The following ITGB5 variants were observed in gnomAD, a reference collection of about 807,000 sequenced individuals.
The protein encoded by ITGB5 is integrin subunit beta 5.
ITGB5 carries 38 observed loss-of-function variants against 84.8 expected under a neutral mutation model. The ratio of observed to expected loss-of-function variants is 0.45; its 90% confidence interval spans 0.35 to 0.59. The LOEUF is 0.59. Ranked by LOEUF, ITGB5 falls within the 20% of genes least tolerant of loss-of-function variation. The pLI, the probability that ITGB5 is intolerant of heterozygous loss-of-function variation, is 0.01. For missense variants in ITGB5, 905 were observed against 1,034.5 expected, an observed-to-expected ratio of 0.87 and a Z score of 1.72; for synonymous variants, 393 against 414.4, an observed-to-expected ratio of 0.95 and a Z score of 0.63.
In ITGB5 at chr3:124,796,789, C is replaced by T. The variant is rs2291089; in HGVS notation, c.1292G>A (p.Arg431Gln). The change falls in exon 10 of 15, where the codon CGA becomes CAA. Residue 431 changes from arginine (R) to glutamine (Q), a missense_variant. Around this residue, in one of 3 missense-constraint regions of ITGB5, gnomAD observed 656 missense variants for 734.7 expected, o/e 0.89. Coordinates refer to ENST00000296181, the MANE Select transcript of ITGB5 (RefSeq NM_002213.5). Reference protein sequence around the residue: ...TASFEVSLEARSCPSRHTEHV... With the variant: ...TASFEVSLEAQSCPSRHTEHV... ...CTCCGTGTGTCTGCTGGGACAGCTT[C>T]GGGCCTCCAATGATACTTCAAAAGA... 7.9e-3 allele frequency: 12,757 copies of T among 1,610,032 alleles called. 552 individuals are homozygous for T. In the East Asian group the frequency reaches 0.13, roughly 16 times the overall value.
At chr3:124,825,214 A>T (rs192763037) in intron 5 of ITGB5, among the ~76,000 whole-genome samples, 78 of 151,446 alleles carry the variant, frequency 5.2e-4, no homozygotes, top group African/African-American at 1.8e-3. Flanking sequence ...AAAAAAAAAA[A>T]AGTGGAAAGA....
intron 5 of ITGB5, among the ~76,000 whole-genome samples, chr3:124,827,650 T>C (rs892247437): frequency 6.6e-6 from 1 of 152,192 alleles, no homozygotes; most frequent in Non-Finnish European, 1.5e-5. Context: ...ATAAATGTTC[T>C]TTGTGTCAGG....
chr3:124,847,015 A>G (rs1468253269), intron 4 of ITGB5, among the ~76,000 whole-genome samples: 1 of 152,208 alleles, frequency 6.6e-6, no homozygotes, highest in African/African-American at 2.4e-5. Flanking sequence ...TTTGTATAAT[A>G]TTGGGTAAGT....
chr3:124,871,080 G>A (rs768674039), intron 2 of ITGB5, among the ~76,000 whole-genome samples: 2 of 151,984 alleles, frequency 1.3e-5, no homozygotes, highest in Non-Finnish European at 2.9e-5. Flanking sequence ...TTGTAGAGAC[G>A]GGGTTTCGTC....
intron 2 of ITGB5, among the ~76,000 whole-genome samples, chr3:124,864,737 A>G (rs2065360969): frequency 1.3e-5 from 2 of 152,086 alleles, no homozygotes; most frequent in South Asian, 2.1e-4. Context: ...TGTATCTAAC[A>G]TGAAAGTTGA....
At chr3:124,851,190 C>G (rs2065147927) in intron 3 of ITGB5, among the ~76,000 whole-genome samples, 1 of 152,166 alleles carries the variant, frequency 6.6e-6, no homozygotes, top group South Asian at 2.1e-4. Context: ...AGCAGGAAAG[C>G]TGGGTTTGAA....
chr3:124,810,089 T>G (rs1329708765), intron 8 of ITGB5, among the ~76,000 whole-genome samples: 1 of 152,214 alleles, frequency 6.6e-6, no homozygotes, highest in Non-Finnish European at 1.5e-5. Context: ...AACTGGAAAT[T>G]CCTCAGGTGC....
chr3:124,884,299 C>T (rs1018658857), intron 1 of ITGB5, among the ~76,000 whole-genome samples: 4 of 152,106 alleles, frequency 2.6e-5, no homozygotes, highest in Non-Finnish European at 5.9e-5. Context: ...GTGAGTCAAC[C>T]TCTGCTAATC....
intron 1 of ITGB5, among the ~76,000 whole-genome samples, chr3:124,881,196 G>A (rs1278743947): frequency 6.6e-6 from 1 of 151,878 alleles, no homozygotes. Flanking sequence ...GTTGGCCAGG[G>A]TGGTCTCGAA....
chr3:124,859,373 C>T lies in ITGB5; in HGVS notation c.230G>A (p.Gly77Asp), dbSNP rs759621888. The change falls in exon 3 of 15, where the codon GGT (glycine) becomes GAT (aspartate). Residue 77 changes from glycine to aspartate, a missense_variant. Physicochemically the swap from Gly to Asp is moderately conservative, Grantham distance 94 (BLOSUM62 -1). This residue lies in a region of ITGB5 where 656 missense variants were observed against 734.7 expected (regional missense o/e 0.89). Coordinates refer to ENST00000296181, the MANE Select transcript of ITGB5 (RefSeq NM_002213.5). The stretch of plus-strand genomic sequence containing the variant: ...GCTGCTGGCTGGGCTCTCTATCTCA[C>T]CTCCACAGCCATTTTTGACAAGGTT... The part of the protein sequence containing the change: ...RANLVKNGCG[G>D]EIESPASSFH... 1 of 1,614,166 alleles carries T rather than the reference C, an allele frequency of 6.2e-7. No homozygotes were observed. The highest frequency in any genetic ancestry group is 8.5e-7 in the Non-Finnish European group (1 of 1,180,026).
intron 5 of ITGB5, among the ~76,000 whole-genome samples, chr3:124,821,763 T>G (rs1193486544): frequency 6.6e-6 from 1 of 152,216 alleles, no homozygotes. Context: ...CATACTCTTC[T>G]CTGCTCCTTT....
chr3:124,841,131 G>A (rs191864970), intron 5 of ITGB5, among the ~76,000 whole-genome samples: 1 of 152,278 alleles, frequency 6.6e-6, no homozygotes, highest in East Asian at 1.9e-4. Flanking sequence ...CTGTCTTCTA[G>A]CAGACAGTAC....
intron 12 of ITGB5, among the ~76,000 whole-genome samples, chr3:124,766,768 G>T (rs537008442): frequency 6.6e-6 from 1 of 152,316 alleles, no homozygotes; most frequent in South Asian, 2.1e-4. Flanking sequence ...GGCCACTTGG[G>T]GCTGAGAGCT....
chr3:124,837,490 T>C (rs959173744), intron 5 of ITGB5, among the ~76,000 whole-genome samples: 2 of 152,340 alleles, frequency 1.3e-5, no homozygotes, highest in Admixed American at 6.5e-5. Flanking sequence ...AAGCATCCCT[T>C]AGCTGTGGAT....
At position 124,848,437 on chromosome 3, in the gene ITGB5, G is replaced by A; in HGVS notation, c.483C>T (p.Gly161=). 9 of 1,614,178 alleles carry A rather than the reference G, an allele frequency of 5.6e-6. No homozygotes were observed. Among genetic ancestry groups the A allele is most frequent in the Non-Finnish European group, 7.6e-6 (9 of 1,180,038 alleles). ...TCCTCATCTCCTCCGCGAGTTTGGT[G>A]CCCAGGCTCCGGATATTGTCCAAGT... The part of the protein sequence containing the change: ...KDDLDNIRSL[G]TKLAEEMRKL... Residue 161 remains glycine (G), a synonymous_variant, in exon 4 of 15, where the codon GGC becomes GGT. Transcript: ENST00000296181.
At position 124,865,481 on chromosome 3, in the gene ITGB5, C is replaced by CTTTTTTTTTTTTT. The variant is rs59446328; in HGVS notation, c.157-6048_157-6036dup. Among the ~76,000 whole-genome samples, 78 of 93,274 alleles carry CTTTTTTTTTTTTT rather than the reference C, an allele frequency of 8.4e-4. 2 individuals are homozygous for CTTTTTTTTTTTTT. Among genetic ancestry groups the CTTTTTTTTTTTTT allele is most frequent in the Non-Finnish European group, 1.1e-3 (56 of 49,320 alleles). 61.2% of individuals were successfully genotyped at this position (93,274 alleles called of 152,430 possible). A position where few individuals can be genotyped will look rare whatever the true frequency, so the allele number is the denominator to read the frequency against. ...TTGAAGTGTCCTTTGCGGCTTTTTT[C>CTTTTTTTTTTTTT]TTTTTTTTTTTTTTTTTTTTTGAGA... On this transcript the variant is annotated intron_variant, in intron 2 of 14. Transcript: ENST00000296181.
chr3:124,841,531 C>A lies in ITGB5; in HGVS notation c.632G>T (p.Cys211Phe). The A allele has an allele frequency of 6.2e-7, 1 of 1,613,718 alleles. No individual in the cohort carries two copies. The highest frequency in any genetic ancestry group is 8.5e-7 in the Non-Finnish European group (1 of 1,179,854). Residue 211 changes from cysteine (C) to phenylalanine (F), a missense_variant, in exon 5 of 15, where the codon TGC becomes TTC. This residue lies in a region of ITGB5 where 656 missense variants were observed against 734.7 expected (regional missense o/e 0.89). Coordinates refer to ENST00000296181, the MANE Select transcript of ITGB5 (RefSeq NM_002213.5). ...PCIGYKLFPN[C>F]VPSFGFRHLL... is the part of the protein sequence containing the mutation. ...ATGGCGGAACCCAAAGGAGGGGACGCAATTTGGAAACAACTTGTAACTAGA... is the reference window on the plus strand; with the variant it reads ...ATGGCGGAACCCAAAGGAGGGGACGAAATTTGGAAACAACTTGTAACTAGA...
chr3:124,788,240 G>C (rs2064110327), intron 10 of ITGB5, among the ~76,000 whole-genome samples: 1 of 152,264 alleles, frequency 6.6e-6, no homozygotes, highest in South Asian at 2.1e-4. Context: ...CCTGGTGGTA[G>C]GGCCCCTGCA....
At chr3:124,853,190 CTGAA>C (rs2065180192) in intron 3 of ITGB5, among the ~76,000 whole-genome samples, 1 of 152,078 alleles carries the variant, frequency 6.6e-6, no homozygotes, top group Non-Finnish European at 1.5e-5. Flanking sequence ...GTGCTGGAAA[CTGAA>C]AGAAAGAAGG....
Sources: gnomAD v4.1 joint callset for allele counts (sites outside exome capture counted in the v4.1 genomes callset) on GRCh38, gnomAD v4.1.1 for gene constraint, gnomAD v4.1.1 regional missense constraint, MANE v1.5 for transcripts, NCBI Gene and HGNC (gene_info 2026-07-23, HGNC 2026-07-21) for gene names.